Variants in FIP1L1 observed in about 807,000 individuals in gnomAD.
FIP1L1 encodes pre-mRNA 3'-end-processing factor FIP1.
A neutral mutation model predicts 84.6 loss-of-function variants in FIP1L1; 21 were observed. The observed-to-expected ratio is 0.25, with a 90% CI of 0.18 to 0.36. The LOEUF is 0.36. Among genes scored for constraint, FIP1L1 ranks in the 10% least tolerant of loss-of-function variants. FIP1L1 has a pLI of 1.00. For synonymous variants in FIP1L1, 263 were observed against 242.3 expected, an observed-to-expected ratio of 1.09 and a Z score of -0.80; for missense variants, 526 against 751.1, an observed-to-expected ratio of 0.70 and a Z score of 3.50.
chr4:53,406,368 C>G (rs925718536), intron 10 of FIP1L1, among the ~76,000 whole-genome samples: 9 of 152,182 alleles, frequency 5.9e-5, no homozygotes, highest in African/African-American at 1.7e-4. Context: ...CCCACTTGAT[C>G]ATGGTGGATA....
At position 53,383,723 on chromosome 4, in the gene FIP1L1, G is replaced by T. The variant is rs1739349090; in HGVS notation, c.229-50G>T. The stretch of plus-strand genomic sequence containing the variant: ...CTTTTTTTAGTTATTAGTATTAGAT[G>T]TTGAAATGGATTACTGAATGTATTT... On this transcript the variant is annotated intron_variant, in intron 4 of 17. Transcript: ENST00000337488. The T allele has an allele frequency of 2.6e-6, 4 of 1,513,064 alleles. No homozygotes were observed. In the South Asian group the frequency reaches 5.0e-5, roughly 19 times the overall value. The allele number at this position is 1,513,064 out of a possible 1,614,324, so 93.7% of individuals were successfully genotyped here.
At position 53,403,768 on chromosome 4, in the gene FIP1L1, T is replaced by C. The variant is rs757731552; in HGVS notation, c.815+3929T>C. Among the ~76,000 whole-genome samples, 5 of 152,184 alleles carry C rather than the reference T, an allele frequency of 3.3e-5. No individual in the cohort carries two copies. In the South Asian group the frequency reaches 6.2e-4, roughly 19 times the overall value. ...GTGGAGGAGTATTGGGCTCGTTCTGTTGCCCAATGCCGGCTGCAGGCATTG... is the reference window on the plus strand; with the variant it reads ...GTGGAGGAGTATTGGGCTCGTTCTGCTGCCCAATGCCGGCTGCAGGCATTG... On this transcript the variant is annotated intron_variant, in intron 10 of 17. Coordinates refer to ENST00000337488, the MANE Select transcript of FIP1L1 (RefSeq NM_030917.4).
At chr4:53,412,961 C>G (rs549408120) in intron 10 of FIP1L1, among the ~76,000 whole-genome samples, 4 of 152,042 alleles carry the variant, frequency 2.6e-5, no homozygotes, top group Non-Finnish European at 5.9e-5. Context: ...TTTCCCACTC[C>G]GCCACTTATC....
Position 53,390,504 on chromosome 4 carries a change from G to A in FIP1L1, c.398-17G>A, listed in dbSNP as rs201898974. On this transcript the variant is annotated splice_polypyrimidine_tract_variant and intron_variant, in intron 6 of 17. Transcript: ENST00000337488. Reference sequence around the variant, plus strand: ...CTTGCAAGTATAGCTCCTTCATTTTGTAATTTTATAAAACAGGGACAAAAG... The same window carrying A: ...CTTGCAAGTATAGCTCCTTCATTTTATAATTTTATAAAACAGGGACAAAAG... The A allele has an allele frequency of 1.3e-6, 2 of 1,550,028 alleles. No individual in the cohort carries two copies. The highest frequency in any genetic ancestry group is 1.7e-5 in the Admixed American group (1 of 58,114).
intron 11 of FIP1L1, among the ~76,000 whole-genome samples, chr4:53,424,196 CAGAG>C (rs1227722468): frequency 6.6e-6 from 1 of 152,010 alleles, no homozygotes; most frequent in Non-Finnish European, 1.5e-5. Context: ...CAGCAATTAA[CAGAG>C]AGGAAATTAC....
At chr4:53,409,041 A>G (rs968059912) in intron 10 of FIP1L1, among the ~76,000 whole-genome samples, 2 of 152,278 alleles carry the variant, frequency 1.3e-5, no homozygotes, top group Admixed American at 6.5e-5. Context: ...CTTGTGAGGA[A>G]CTGCGTTCCT....
In FIP1L1 at chr4:53,377,843, C is replaced by T. The variant is rs1468494369; in HGVS notation, c.5C>T (p.Ser2Leu). 8 of 1,580,038 alleles carry T rather than the reference C, an allele frequency of 5.1e-6. No individual in the cohort carries two copies. The highest frequency in any genetic ancestry group is 3.4e-6 in the Non-Finnish European group (4 of 1,162,996). Residue 2 changes from serine (S) to leucine (L), a missense_variant, in exon 1 of 18, where the codon TCG (serine) becomes TTG (leucine). Physicochemically the swap from Ser to Leu is moderately radical, Grantham distance 145. Coordinates refer to ENST00000337488, the MANE Select transcript of FIP1L1 (RefSeq NM_030917.4). M[S>L]AGEVERLVSE... is the part of the protein sequence containing the mutation. ...TAAGTTGCGCTCGGGGCGGCCATGTCGGCCGGCGAGGTCGAGCGCCTAGTG... is the reference window on the plus strand; with the variant it reads ...TAAGTTGCGCTCGGGGCGGCCATGTTGGCCGGCGAGGTCGAGCGCCTAGTG...
In FIP1L1 at chr4:53,458,762, G is replaced by A. The variant is rs775830522; in HGVS notation, c.1609G>A (p.Glu537Lys). 2 of 1,612,722 alleles carry A rather than the reference G, an allele frequency of 1.2e-6. No individual in the cohort carries two copies. Among genetic ancestry groups the A allele is most frequent in the Non-Finnish European group, 1.7e-6 (2 of 1,179,188 alleles). The change falls in exon 17 of 18, where the codon GAG (glutamate) becomes AAG (lysine). Residue 537 changes from glutamate (E) to lysine (K), a missense_variant. By Grantham distance (56) the Glu-to-Lys change is moderately conservative (BLOSUM62 1). Around this residue, in one of 6 missense-constraint regions of FIP1L1, gnomAD observed 89 missense variants for 169.0 expected, o/e 0.53. Transcript: ENST00000337488. ...TAGAGAAAGACGACACAGGGAGAAAGAGGAAACCAGACATAAGTCTTCTCG... is the reference window on the plus strand; with the variant it reads ...TAGAGAAAGACGACACAGGGAGAAAAAGGAAACCAGACATAAGTCTTCTCG... ...RHRERRHREK[E>K]ETRHKSSRSN... is the part of the protein sequence containing the mutation.
Position 53,377,942 on chromosome 4 carries a change from C to CT in FIP1L1, c.85+20dup. ...TATGGCGGTACGAAACTTCCTGTCT[C>CT]TGTCTCTCGGGTTCTCTCAGGCCTC... On this transcript the variant is annotated intron_variant, in intron 1 of 17. Transcript: ENST00000337488. The CT allele has an allele frequency of 6.4e-7, 1 of 1,564,598 alleles. No homozygotes were observed. Among genetic ancestry groups the CT allele is most frequent in the Non-Finnish European group, 8.7e-7 (1 of 1,153,746 alleles).
intron 13 of FIP1L1, among the ~76,000 whole-genome samples, chr4:53,430,071 T>C (rs1765897501): frequency 6.6e-6 from 1 of 152,150 alleles, no homozygotes; most frequent in Non-Finnish European, 1.5e-5. Context: ...TAGCACAGTG[T>C]CCTCCAGGTT....
intron 13 of FIP1L1, among the ~76,000 whole-genome samples, chr4:53,439,550 CTT>C (rs1363775140): frequency 1.3e-5 from 2 of 151,810 alleles, no homozygotes; most frequent in African/African-American, 4.8e-5. Flanking sequence ...AATTCTGTTT[CTT>C]TTTTTGGCAT....
Position 53,460,242 on chromosome 4 carries a change from T to A in FIP1L1, c.*793T>A. ...GAGTTTTTATACAGTTACTAACGAT[T>A]GTGGAAAAAAAGAGCTTTAGCCATT... On this transcript the variant is annotated 3_prime_UTR_variant, in exon 18 of 18. Coordinates refer to ENST00000337488, the MANE Select transcript of FIP1L1 (RefSeq NM_030917.4). 5.2e-6 allele frequency: 1 copy of A among 193,252 alleles called. No individual in the cohort carries two copies. The highest frequency in any genetic ancestry group is 8.1e-5 in the East Asian group (1 of 12,290). The allele number at this position is 193,252 out of a possible 1,614,324, so 12.0% of individuals were successfully genotyped here. A position where few individuals can be genotyped will look rare whatever the true frequency, so the allele number is the denominator to read the frequency against.
At chr4:53,406,075 C>A (rs1197234845) in intron 10 of FIP1L1, among the ~76,000 whole-genome samples, 1 of 152,016 alleles carries the variant, frequency 6.6e-6, no homozygotes, top group Non-Finnish European at 1.5e-5. Context: ...GAGGGCATCC[C>A]TGTCTTGTGC....
At chr4:53,398,342 T>G (rs1172742974) in intron 9 of FIP1L1, among the ~76,000 whole-genome samples, 6 of 152,210 alleles carry the variant, frequency 3.9e-5, no homozygotes, top group Non-Finnish European at 8.8e-5. Flanking sequence ...TCAAATAAAC[T>G]AAATGTAAGA....
chr4:53,394,490 A>G (rs1249112040), intron 9 of FIP1L1, among the ~76,000 whole-genome samples: 1 of 152,108 alleles, frequency 6.6e-6, no homozygotes, highest in African/African-American at 2.4e-5. Context: ...GTATTCCAGT[A>G]TTCTATCTAG....
chr4:53,379,411 T>TCA, intron 3 of FIP1L1, 147 bp downstream of exon 3: 3 of 760,092 alleles, frequency 3.9e-6, no homozygotes, highest in Non-Finnish European at 6.5e-6. Flanking sequence ...CTTTAAGGAT[T>TCA]ATTCCAGTTT....
intron 10 of FIP1L1, among the ~76,000 whole-genome samples, chr4:53,410,337 T>A (rs1327458562): frequency 6.6e-6 from 1 of 152,232 alleles, no homozygotes; most frequent in Non-Finnish European, 1.5e-5. Flanking sequence ...GTCGTTGAGT[T>A]CTTCGACAGC....
At chr4:53,423,814 T>G (rs1763323005) in intron 11 of FIP1L1, among the ~76,000 whole-genome samples, 1 of 152,198 alleles carries the variant, frequency 6.6e-6, no homozygotes, top group South Asian at 2.1e-4. Context: ...GAATCTTTAG[T>G]GATTAAAAAC....
chr4:53,411,312 A>G (rs1287374693), intron 10 of FIP1L1, among the ~76,000 whole-genome samples: 4 of 152,086 alleles, frequency 2.6e-5, no homozygotes, highest in Non-Finnish European at 5.9e-5. Context: ...CTAAAAAACG[A>G]AAAATGAATA....
Sources: gnomAD v4.1 joint callset for allele counts (sites outside exome capture counted in the v4.1 genomes callset) on GRCh38, gnomAD v4.1.1 for gene constraint, gnomAD v4.1.1 regional missense constraint, MANE v1.5 for transcripts, NCBI Gene and HGNC (gene_info 2026-07-23, HGNC 2026-07-21) for gene names.